Variants in SYT14 observed in about 807,000 individuals in gnomAD.
SYT14 encodes the protein synaptotagmin 14.
A neutral mutation model predicts 74.2 loss-of-function variants in SYT14; 32 were observed. That is an observed-to-expected ratio of 0.43 (90% CI 0.33 to 0.58). The LOEUF (loss-of-function observed/expected upper bound fraction) is 0.58, where lower values mean the gene tolerates loss of function less well. Among genes scored for constraint, SYT14 ranks in the 20% least tolerant of loss-of-function variants. The pLI is 0.05. For synonymous variants in SYT14, 298 were observed against 337.7 expected (o/e 0.88, Z 1.29); for missense variants, 791 against 981.8 (o/e 0.81, Z 2.60).
intron 1 of SYT14, among the ~76,000 whole-genome samples, chr1:209,949,970 A>G (rs887459989): frequency 9.2e-5 from 14 of 152,194 alleles, no homozygotes; most frequent in African/African-American, 3.4e-4. Context: ...ATGCTTTTAA[A>G]AGTGGGAATT....
rs566027930 is a variant in SYT14 at position 209,944,361 on chromosome 1, G to T, written c.-534+6084G>T. ...AGAGTAGCTCAAAAGTTGGAAAAAA[G>T]GATTAATTTGTGAACAGTAATTTAA... is the stretch of plus-strand genomic sequence containing the variant. On this transcript the variant is annotated intron_variant, in intron 1 of 9. Transcript: ENST00000637265. Among the ~76,000 whole-genome samples the T allele has an allele frequency of 7.2e-5, 11 of 152,186 alleles. No homozygotes were observed. The South Asian group carries it at 1.4e-3, about 20-fold the overall frequency.
intron 2 of SYT14, among the ~76,000 whole-genome samples, chr1:209,955,002 G>A (rs539625006): frequency 3.3e-5 from 5 of 152,112 alleles, no homozygotes; most frequent in African/African-American, 9.6e-5. Flanking sequence ...CACCGCACTC[G>A]GCTAGACATC....
intron 1 of SYT14, among the ~76,000 whole-genome samples, chr1:209,939,716 A>C (rs1427121044): frequency 6.6e-6 from 1 of 152,222 alleles, no homozygotes; most frequent in African/African-American, 2.4e-5. Context: ...TTTCTTGTGA[A>C]GCCGTGAAAC....
chr1:210,130,458 T>G (rs184487723), intron 7 of SYT14, among the ~76,000 whole-genome samples: 3 of 152,222 alleles, frequency 2.0e-5, no homozygotes, highest in Admixed American at 1.3e-4. Flanking sequence ...CAAAGTTTAT[T>G]GTGGCATTGA....
At chr1:210,142,674 AAAGT>A (rs1428372469) in intron 7 of SYT14, among the ~76,000 whole-genome samples, 1 of 152,166 alleles carries the variant, frequency 6.6e-6, no homozygotes, top group Non-Finnish European at 1.5e-5. Context: ...CAAAGATTTA[AAAGT>A]AAGTAACAGA....
rs1420005883 is a variant in SYT14 at position 210,156,053 on chromosome 1, A to G, written c.2224+143A>G. 8 of 834,196 alleles carry G rather than the reference A, an allele frequency of 9.6e-6. No individual in the cohort carries two copies. The Admixed American group carries it at 2.0e-4, about 21-fold the overall frequency. 51.7% of individuals were successfully genotyped at this position (834,196 alleles called of 1,614,324 possible). A position where few individuals can be genotyped will look rare whatever the true frequency, so the allele number is the denominator to read the frequency against. On this transcript the variant is annotated intron_variant, in intron 8 of 9. Coordinates refer to ENST00000637265, the Ensembl canonical transcript of SYT14. ...TCAGCTAATCTGTTTCATGTTTTCTATTTCCAGTCATTTGGGAAGTAGAAA... is the reference window on the plus strand; with the variant it reads ...TCAGCTAATCTGTTTCATGTTTTCTGTTTCCAGTCATTTGGGAAGTAGAAA...
intron 7 of SYT14, among the ~76,000 whole-genome samples, chr1:210,109,825 T>G (rs2082228422): frequency 6.6e-6 from 1 of 152,126 alleles, no homozygotes; most frequent in African/African-American, 2.4e-5. Flanking sequence ...ACATGTATGT[T>G]TATTGCAGCA....
At chr1:209,956,436 A>T (rs1385347618) in intron 2 of SYT14, among the ~76,000 whole-genome samples, 1 of 152,000 alleles carries the variant, frequency 6.6e-6, no homozygotes, top group African/African-American at 2.4e-5. Flanking sequence ...ATGGCTTTGG[A>T]GGTTACTATG....
At chr1:210,066,629 G>T (rs566790162) in intron 5 of SYT14, among the ~76,000 whole-genome samples, 16 of 152,010 alleles carry the variant, frequency 1.1e-4, no homozygotes, top group South Asian at 6.2e-4. Flanking sequence ...ATGTTAGCCC[G>T]TTGTCAGATG....
intron 5 of SYT14, among the ~76,000 whole-genome samples, chr1:210,038,108 G>A (rs1007947359): frequency 4.0e-5 from 6 of 151,760 alleles, no homozygotes; most frequent in African/African-American, 9.7e-5. Flanking sequence ...ATGAATCTGG[G>A]TGCATATAAA....
intron 5 of SYT14, among the ~76,000 whole-genome samples, chr1:210,032,646 G>A (rs534830713): frequency 3.6e-5 from 4 of 109,882 alleles, no homozygotes; most frequent in African/African-American, 2.0e-4. Flanking sequence ...TCTGACTCTA[G>A]TACCCAGTAA....
At chr1:210,107,981 G>C (rs1023814988) in intron 7 of SYT14, among the ~76,000 whole-genome samples, 22 of 152,192 alleles carry the variant, frequency 1.4e-4, no homozygotes, top group Non-Finnish European at 3.1e-4. Flanking sequence ...ACCCTGGTCA[G>C]TTTGGTGGGG....
At chr1:210,047,099 T>C (rs2080899334) in intron 5 of SYT14, among the ~76,000 whole-genome samples, 1 of 152,142 alleles carries the variant, frequency 6.6e-6, no homozygotes. Flanking sequence ...TAAATAATTA[T>C]TCTAATTAAC....
At position 210,015,822 on chromosome 1, in the gene SYT14, A is replaced by C. The variant is rs1400940992; in HGVS notation, c.-182A>C. On this transcript the variant is annotated 5_prime_UTR_variant, in exon 4 of 10. Transcript: ENST00000637265. ...TTTTTTCCGGAAGAATCTTTACTTC[A>C]ACATATTTCTTTCAATGCATAATGT... 4 of 1,159,326 alleles carry C rather than the reference A, an allele frequency of 3.5e-6. No homozygotes were observed. In the African/African-American group the frequency reaches 6.4e-5, roughly 18 times the overall value. 71.8% of individuals were successfully genotyped at this position (1,159,326 alleles called of 1,614,324 possible).
intron 5 of SYT14, among the ~76,000 whole-genome samples, chr1:210,093,566 A>G (rs966025278): frequency 5.3e-5 from 8 of 152,234 alleles, no homozygotes; most frequent in Non-Finnish European, 8.8e-5. Flanking sequence ...ATAATTTAAG[A>G]GTGAAAGAAA....
chr1:209,994,865 T>C (rs1169890457), intron 2 of SYT14, among the ~76,000 whole-genome samples: 3 of 152,208 alleles, frequency 2.0e-5, no homozygotes, highest in Non-Finnish European at 4.4e-5. Context: ...GAATTCCAGC[T>C]AAGAATTTCA....
At chr1:210,083,602 CTG>C (rs1264690219) in intron 5 of SYT14, among the ~76,000 whole-genome samples, 2 of 151,768 alleles carry the variant, frequency 1.3e-5, no homozygotes, top group African/African-American at 4.8e-5. Context: ...CAGGGTCTCA[CTG>C]TGTTGCCCAG....
chr1:210,098,210 T>G (rs149352833), intron 6 of SYT14, among the ~76,000 whole-genome samples: 140 of 152,022 alleles, frequency 9.2e-4, no homozygotes, highest in African/African-American at 3.3e-3. Flanking sequence ...CATGTCTTTT[T>G]GGTTCTCTCT....
At chr1:210,150,187 G>T (rs1252636564) in intron 7 of SYT14, among the ~76,000 whole-genome samples, 1 of 152,144 alleles carries the variant, frequency 6.6e-6, no homozygotes, top group Non-Finnish European at 1.5e-5. Flanking sequence ...GTCTGCCAAA[G>T]AATGAAGCCA....
Sources: gnomAD v4.1 joint callset for allele counts (sites outside exome capture counted in the v4.1 genomes callset) on GRCh38, gnomAD v4.1.1 for gene constraint, MANE v1.5 for transcripts, NCBI Gene and HGNC (gene_info 2026-07-23, HGNC 2026-07-21) for gene names.